PTPRD: variants seen among roughly 807,000 people sequenced by gnomAD.
The protein encoded by PTPRD is protein tyrosine phosphatase receptor type D.
A neutral mutation model predicts 214.5 loss-of-function variants in PTPRD; 34 were observed. The ratio of observed to expected loss-of-function variants is 0.16; its 90% CI spans 0.12 to 0.21. The LOEUF is 0.21. Among genes scored for constraint, PTPRD ranks in the 10% least tolerant of loss-of-function variants. The pLI is 1.00. For missense variants in PTPRD, 2,545 were observed against 2,398.7 expected (o/e 1.06, Z -1.27); for synonymous variants, 1,128 against 845.7 (o/e 1.33, Z -5.79).
intron 10 of PTPRD, among the ~76,000 whole-genome samples, chr9:9,125,717 A>T (rs1473775034): frequency 6.6e-6 from 1 of 152,220 alleles, no homozygotes; most frequent in Non-Finnish European, 1.5e-5. Flanking sequence ...TGTTTCAAGC[A>T]CTAGGTACAA....
At chr9:10,160,727 G>A (rs536548558) in intron 3 of PTPRD, among the ~76,000 whole-genome samples, 2 of 151,874 alleles carry the variant, frequency 1.3e-5, no homozygotes, top group African/African-American at 4.8e-5. Context: ...CCTAGCCACA[G>A]AAATTAGTCA....
chr9:8,444,048 T>G (rs1261239476), intron 34 of PTPRD, among the ~76,000 whole-genome samples: 1 of 148,170 alleles, frequency 6.7e-6, no homozygotes, highest in African/African-American at 2.7e-5. Flanking sequence ...TAATTGGGTC[T>G]CTCTATCAAA....
chr9:8,905,453 A>T (rs2098700834), intron 11 of PTPRD, among the ~76,000 whole-genome samples: 1 of 152,068 alleles, frequency 6.6e-6, no homozygotes, highest in Non-Finnish European at 1.5e-5. Context: ...ATAAAGAATT[A>T]GCCAGCCGGA....
intron 12 of PTPRD, among the ~76,000 whole-genome samples, chr9:8,699,160 A>T (rs1472856847): frequency 6.6e-6 from 1 of 152,216 alleles, no homozygotes; most frequent in African/African-American, 2.4e-5. Flanking sequence ...CAAGTGATGA[A>T]ATTCCGATGA....
intron 3 of PTPRD, among the ~76,000 whole-genome samples, chr9:10,184,431 T>G (rs1158524650): frequency 6.6e-6 from 1 of 151,786 alleles, no homozygotes; most frequent in Non-Finnish European, 1.5e-5. Context: ...TTAAAAAATA[T>G]AAATAAATAA....
At chr9:10,126,790 C>T (rs1050304159) in intron 3 of PTPRD, among the ~76,000 whole-genome samples, 2 of 152,116 alleles carry the variant, frequency 1.3e-5, no homozygotes, top group African/African-American at 4.8e-5. Flanking sequence ...CCATCACTAA[C>T]TGATAAGGTT....
intron 3 of PTPRD, among the ~76,000 whole-genome samples, chr9:10,183,998 A>C (rs2154310683): frequency 6.6e-6 from 1 of 152,342 alleles, no homozygotes. Context: ...ATTTTAACAC[A>C]TCTGGTCACA....
chr9:10,216,878 T>A (rs1292159659), intron 3 of PTPRD, among the ~76,000 whole-genome samples: 2 of 152,006 alleles, frequency 1.3e-5, no homozygotes, highest in African/African-American at 4.8e-5. Flanking sequence ...CTTTCATATA[T>A]TCAATTTCTG....
chr9:8,992,931 T>C (rs1287160219), intron 11 of PTPRD, among the ~76,000 whole-genome samples: 1 of 152,116 alleles, frequency 6.6e-6, no homozygotes, highest in Non-Finnish European at 1.5e-5. Flanking sequence ...TGAGGCTGAT[T>C]TTGGTTTGCA....
At chr9:9,440,929 G>A (rs777290818) in intron 8 of PTPRD, among the ~76,000 whole-genome samples, 107 of 152,286 alleles carry the variant, frequency 7.0e-4, no homozygotes, top group Non-Finnish European at 1.2e-3. Flanking sequence ...AGGGGACGAA[G>A]GAAGTATGAT....
intron 12 of PTPRD, among the ~76,000 whole-genome samples, chr9:8,723,641 G>A (rs2098525838): frequency 6.6e-6 from 1 of 152,124 alleles, no homozygotes; most frequent in Non-Finnish European, 1.5e-5. Context: ...AGATATTAGA[G>A]GAGTTTCTAT....
At chr9:9,702,995 T>C (rs936372454) in intron 7 of PTPRD, among the ~76,000 whole-genome samples, 4 of 152,196 alleles carry the variant, frequency 2.6e-5, no homozygotes, top group Admixed American at 1.3e-4. Flanking sequence ...GTACTACTGA[T>C]ATGCTTGGCT....
chr9:10,164,499 G>A (rs1048817017), intron 3 of PTPRD, among the ~76,000 whole-genome samples: 2 of 151,362 alleles, frequency 1.3e-5, no homozygotes, highest in African/African-American at 4.8e-5. Flanking sequence ...CCTTTTACAA[G>A]GGGCAGTATG....
chr9:8,365,596 G>A (rs2079625522), intron 39 of PTPRD, among the ~76,000 whole-genome samples: 1 of 152,108 alleles, frequency 6.6e-6, no homozygotes, highest in African/African-American at 2.4e-5. Context: ...AGTAAATAAG[G>A]TTCAGCAATG....
At chr9:9,852,898 T>A (rs1282704516) in intron 5 of PTPRD, among the ~76,000 whole-genome samples, 5 of 152,158 alleles carry the variant, frequency 3.3e-5, no homozygotes, top group Non-Finnish European at 7.4e-5. Flanking sequence ...AAGTAGGGGC[T>A]CTTGATCTGT....
At chr9:9,441,365 G>A (rs2087687427) in intron 8 of PTPRD, among the ~76,000 whole-genome samples, 1 of 152,178 alleles carries the variant, frequency 6.6e-6, no homozygotes, top group South Asian at 2.1e-4. Context: ...AAGAAGACAG[G>A]TAAAAAGGTA....
intron 9 of PTPRD, among the ~76,000 whole-genome samples, chr9:9,219,472 A>C (rs192338062): frequency 7.8e-4 from 119 of 152,220 alleles, no homozygotes; most frequent in African/African-American, 2.7e-3. Flanking sequence ...GTCCTTAAAC[A>C]TTTGGCTAAA....
chr9:9,947,305 T>A (rs10759114), intron 4 of PTPRD, among the ~76,000 whole-genome samples: 25,111 of 80,406 alleles, frequency 0.31, 4,352 homozygotes, highest in East Asian at 0.84. Context: ...TATATATATT[T>A]TATATATATA....
At position 8,706,449 on chromosome 9, in the gene PTPRD, G is replaced by A. The variant is rs181046850; in HGVS notation, c.64+27331C>T. On this transcript the variant is annotated intron_variant, in intron 12 of 45. Transcript: ENST00000381196. ...CACATTTCAGCAGCTAAAGACAAGT[G>A]TTCATGGTTTTGCCAATTCAATTCA... 3.6e-3 allele frequency among the ~76,000 whole-genome samples: 546 copies of A among 152,286 alleles called. 11 individuals are homozygous for A. Among genetic ancestry groups the A allele is most frequent in the Non-Finnish European group, 1.6e-3 (112 of 68,026 alleles).
Sources: gnomAD v4.1 joint callset for allele counts (sites outside exome capture counted in the v4.1 genomes callset) on GRCh38, gnomAD v4.1.1 for gene constraint, MANE v1.5 for transcripts, NCBI Gene and HGNC (gene_info 2026-07-23, HGNC 2026-07-21) for gene names.